Variants in OCA2 observed in about 807,000 individuals in gnomAD.
The protein encoded by OCA2 is OCA2 melanosomal transmembrane protein.
In OCA2, 77 loss-of-function variants were observed where a neutral mutation model predicts 100.2. That is an observed-to-expected ratio of 0.77 (90% CI 0.64 to 0.93). OCA2 has a LOEUF of 0.93. Among genes scored for constraint, OCA2 ranks in the 40% least tolerant of loss-of-function variants. The pLI, the probability that OCA2 is intolerant of heterozygous loss-of-function variation, is 0.00. For synonymous variants in OCA2, 432 were observed against 439.2 expected (o/e 0.98, Z 0.21); for missense variants, 1,062 against 1,089.1 (o/e 0.98, Z 0.35).
chr15:28,084,803 C>T (rs1182122168), intron 1 of OCA2, among the ~76,000 whole-genome samples: 1 of 152,230 alleles, frequency 6.6e-6, no homozygotes, highest in Non-Finnish European at 1.5e-5. Context: ...GCCCCCTTCA[C>T]CCCAACAGGC....
intron 1 of OCA2, among the ~76,000 whole-genome samples, chr15:28,082,378 G>A (rs777473061): frequency 3.3e-5 from 5 of 152,114 alleles, no homozygotes; most frequent in Admixed American, 6.5e-5. Flanking sequence ...TCACTCTTTG[G>A]GTTTGTGCCA....
At chr15:27,742,327 C>T in the OCA2 span, among the ~76,000 whole-genome samples, 1 of 152,154 alleles carries the variant, frequency 6.6e-6, no homozygotes, top group Non-Finnish European at 1.5e-5. Context: ...CACAGCAAAG[C>T]AGCTGTGGAA....
intron 2 of OCA2, among the ~76,000 whole-genome samples, chr15:28,033,044 T>G (rs1178089945): frequency 6.6e-6 from 1 of 152,224 alleles, no homozygotes; most frequent in Non-Finnish European, 1.5e-5. Context: ...CTGGGCAGGA[T>G]GGTCCTCCAC....
intron 23 of OCA2, among the ~76,000 whole-genome samples, chr15:27,832,414 G>A (rs2034997449): frequency 6.6e-6 from 1 of 152,234 alleles, no homozygotes; most frequent in South Asian, 2.1e-4. Flanking sequence ...CCCACCACCT[G>A]GAGTGAAATC....
In OCA2 at chr15:27,825,437, T is replaced by C. The variant is rs116017816; in HGVS notation, c.2432+19522A>G. Among the ~76,000 whole-genome samples, 661 of 152,196 alleles carry C rather than the reference T, an allele frequency of 4.3e-3. 5 individuals carry two copies. The highest frequency in any genetic ancestry group is 0.015 in the African/African-American group (630 of 41,550). On this transcript the variant is annotated intron_variant, in intron 23 of 23. Transcript: ENST00000354638. ...AACCTTAGGCAGGAGGTCCTGAAAG[T>C]CTTCAGGACTGAGGAGCACTGAGGG...
intron 14 of OCA2, among the ~76,000 whole-genome samples, chr15:27,982,883 C>T (rs902096737): frequency 1.3e-5 from 2 of 152,156 alleles, no homozygotes; most frequent in Non-Finnish European, 2.9e-5. Flanking sequence ...AAATTATACC[C>T]TAATATTTAT....
At chr15:27,980,053 T>G (rs1016061564) in intron 14 of OCA2, among the ~76,000 whole-genome samples, 23 of 151,826 alleles carry the variant, frequency 1.5e-4, no homozygotes, top group African/African-American at 4.8e-4. Context: ...AGGCTTTATT[T>G]TATTGTTGTC....
chr15:28,043,623 A>C lies in OCA2; in HGVS notation c.228-11460T>G, dbSNP rs2043267416. On this transcript the variant is annotated intron_variant, in intron 2 of 23. Transcript: ENST00000354638. This position sits in a 1 kb window ranked among gnomAD's most constrained non-coding sequence, Gnocchi z 4.4. ...TGCCATGTAATTAAGCAAGTTTTCA[A>C]ATCTCAGCCCAGTGTGCAAAGAAAT... Among the ~76,000 whole-genome samples the C allele has an allele frequency of 6.6e-6, 1 of 152,222 alleles. No homozygotes were observed. Among genetic ancestry groups the C allele is most frequent in the Admixed American group, 6.5e-5 (1 of 15,282 alleles).
intron 1 of OCA2, among the ~76,000 whole-genome samples, chr15:28,089,290 C>T (rs962447298): frequency 1.1e-4 from 17 of 152,224 alleles, no homozygotes; most frequent in African/African-American, 4.1e-4. Context: ...CCTGAGGTGA[C>T]ATTCATCCTC....
At chr15:27,978,773 T>C (rs1195047966) in intron 14 of OCA2, among the ~76,000 whole-genome samples, 3 of 150,450 alleles carry the variant, frequency 2.0e-5, no homozygotes, top group African/African-American at 7.3e-5. Context: ...GCAACCTCCA[T>C]CTTCCGGGTT....
intron 19 of OCA2, among the ~76,000 whole-genome samples, chr15:27,889,258 G>A (rs1301552042): frequency 1.3e-5 from 2 of 152,278 alleles, no homozygotes; most frequent in South Asian, 2.1e-4. Context: ...CACTACAACT[G>A]CTTTCATTTC....
intron 18 of OCA2, chr15:27,950,506 A>C (rs746696938): frequency 3.9e-6 from 2 of 515,454 alleles, no homozygotes; most frequent in South Asian, 1.4e-5. Flanking sequence ...GATTCCAAGC[A>C]GATCAGCTCT....
intron 23 of OCA2, among the ~76,000 whole-genome samples, chr15:27,793,836 G>A (rs1022553441): frequency 9.2e-5 from 14 of 152,204 alleles, no homozygotes; most frequent in African/African-American, 3.1e-4. Flanking sequence ...GCTGGCTTGT[G>A]TTGCCAGGGG....
chr15:27,865,152 C>T (rs796652555), intron 21 of OCA2, among the ~76,000 whole-genome samples: 5 of 151,974 alleles, frequency 3.3e-5, no homozygotes, highest in African/African-American at 1.2e-4. Context: ...ATGACGCCAT[C>T]GGAGAAGAGA....
chr15:27,767,925 C>T (rs1190336485), intron 23 of OCA2, among the ~76,000 whole-genome samples: 2 of 152,194 alleles, frequency 1.3e-5, no homozygotes, highest in Admixed American at 6.5e-5. Flanking sequence ...TCAGAGGGGT[C>T]GCATGACAAT....
At chr15:28,087,329 T>A (rs1313483084) in intron 1 of OCA2, among the ~76,000 whole-genome samples, 1 of 152,184 alleles carries the variant, frequency 6.6e-6, no homozygotes, top group East Asian at 1.9e-4. Context: ...AAAATCAAGA[T>A]GTTTTCAAAG....
intron 19 of OCA2, among the ~76,000 whole-genome samples, chr15:27,874,622 T>C (rs759120051): frequency 4.6e-5 from 7 of 152,202 alleles, no homozygotes; most frequent in African/African-American, 9.7e-5. Context: ...AATTCATAGA[T>C]ACTGAATGTA....
intron 2 of OCA2, among the ~76,000 whole-genome samples, chr15:28,074,542 C>T (rs1046547180): frequency 2.6e-5 from 4 of 152,140 alleles, no homozygotes; most frequent in Admixed American, 6.5e-5. Flanking sequence ...GGCGTGGTGG[C>T]GGACGCCTGC....
intron 1 of OCA2, among the ~76,000 whole-genome samples, chr15:28,098,513 T>G (rs1210309068): frequency 6.6e-6 from 1 of 152,204 alleles, no homozygotes; most frequent in Non-Finnish European, 1.5e-5. Context: ...TCACCCTAAA[T>G]CTACACATTG....
Sources: gnomAD v4.1 joint callset for allele counts (sites outside exome capture counted in the v4.1 genomes callset) on GRCh38, gnomAD v4.1.1 for gene constraint, Gnocchi (gnomAD v3.1) non-coding constraint, MANE v1.5 for transcripts, NCBI Gene and HGNC (gene_info 2026-07-23, HGNC 2026-07-21) for gene names.